FHAD1: variants seen among roughly 807,000 people sequenced by gnomAD.
The protein encoded by FHAD1 is forkhead-associated domain-containing protein 1.
FHAD1 carries 146 observed loss-of-function variants against 191.3 expected under a neutral mutation model. That is an observed-to-expected ratio of 0.76 (90% CI 0.67 to 0.88). The LOEUF is 0.88. Ranked by LOEUF, FHAD1 falls within the 40% of genes least tolerant of loss-of-function variation. The pLI is 0.00. For synonymous variants in FHAD1, 616 were observed against 672.3 expected (o/e 0.92, Z 1.29); for missense variants, 1,635 against 1,785.8 (o/e 0.92, Z 1.52).
At position 15,317,860 on chromosome 1, in the gene FHAD1, A is replaced by G. The variant is rs1674977828; in HGVS notation, c.1297A>G (p.Arg433Gly). The G allele has an allele frequency of 6.4e-7, 1 of 1,551,652 alleles. No homozygotes were observed. The highest frequency in any genetic ancestry group is 8.7e-7 in the Non-Finnish European group (1 of 1,146,982). Residue 433 changes from arginine to glycine, a missense_variant, in exon 10 of 34, where the codon AGG becomes GGG. Arg to Gly is a moderately radical substitution (Grantham distance 125). Coordinates refer to ENST00000688493, the MANE Select transcript of FHAD1 (RefSeq NM_001391957.1). ...CATGGAGAAAGAAATGAAGAAGCTTAGGGCAGAGCTGAGGAAGAGTTGTAC... is the reference window on the plus strand; with the variant it reads ...CATGGAGAAAGAAATGAAGAAGCTTGGGGCAGAGCTGAGGAAGAGTTGTAC... ...QDMEKEMKKL[R>G]AELRKSCTEQ... is the part of the protein sequence containing the mutation.
At chr1:15,239,600 A>G (rs1645137025) in intron 1 of FHAD1, among the ~76,000 whole-genome samples, 1 of 151,694 alleles carries the variant, frequency 6.6e-6, no homozygotes, top group South Asian at 2.1e-4. Flanking sequence ...AAGAAAAACA[A>G]AAAGAACAAC....
At chr1:15,383,979 CGT>C (rs1036355402) in intron 31 of FHAD1, 19 of 350,226 alleles carry the variant, frequency 5.4e-5, no homozygotes, top group Admixed American at 4.3e-4. Flanking sequence ...TGTGCATTCT[CGT>C]GTGTGTGTAC....
chr1:15,361,309 G>C (rs1345703525), intron 22 of FHAD1, among the ~76,000 whole-genome samples: 28 of 152,148 alleles, frequency 1.8e-4, no homozygotes, highest in Admixed American at 1.8e-3. Flanking sequence ...GACTGTCCTG[G>C]GCACTATCAG....
chr1:15,284,697 CAAG>C (rs1368645332), intron 3 of FHAD1, among the ~76,000 whole-genome samples: 2 of 152,124 alleles, frequency 1.3e-5, no homozygotes, highest in African/African-American at 2.4e-5. Flanking sequence ...ACACAAGAAA[CAAG>C]GAGATCATCC....
Position 15,368,572 on chromosome 1 carries a change from G to A in FHAD1, c.3315-798G>A, listed in dbSNP as rs1697188510. On this transcript the variant is annotated intron_variant, in intron 25 of 33. Transcript: ENST00000688493. ...TGTTTTGTGGCTATCTGGTAGCTTT[G>A]TGTGCCTCGTGGCCAAAGCAGATTC... Among the ~76,000 whole-genome samples the A allele has an allele frequency of 4.6e-5, 7 of 152,280 alleles. No individual in the cohort carries two copies. In the South Asian group the frequency reaches 1.5e-3, roughly 32 times the overall value.
intron 10 of FHAD1, among the ~76,000 whole-genome samples, chr1:15,324,126 C>G (rs1056418759): frequency 1.3e-5 from 2 of 152,164 alleles, no homozygotes; most frequent in Non-Finnish European, 2.9e-5. Flanking sequence ...CTAGTATCAC[C>G]CCATTTGACA....
rs1471003789 is a variant in FHAD1, at chr1:15,311,970, C to T, written c.1040-1087C>T. The T allele has an allele frequency of 6.6e-6, 1 of 152,278 alleles. No homozygotes were observed. Among genetic ancestry groups the T allele is most frequent in the Non-Finnish European group, 1.5e-5 (1 of 68,082 alleles). 9.4% of individuals were successfully genotyped at this position (152,278 alleles called of 1,614,324 possible). ...GAGGATCCCCTTCTGGAATGACTCG[C>T]TCACATGGCTGTTGGCTGGAGGCCT... is the stretch of plus-strand genomic sequence containing the variant. On this transcript the variant is annotated intron_variant, in intron 7 of 33. Transcript: ENST00000688493. This position sits in a 1 kb window ranked among gnomAD's most constrained non-coding sequence, Gnocchi z 4.1.
intron 20 of FHAD1, among the ~76,000 whole-genome samples, chr1:15,353,438 C>T (rs1691560290): frequency 6.6e-6 from 1 of 152,050 alleles, no homozygotes; most frequent in Admixed American, 6.5e-5. Flanking sequence ...GGCGCGGTGG[C>T]TCGCACATGT....
chr1:15,252,024 G>T (rs980430688), intron 2 of FHAD1, 147 bp downstream of exon 2: 1 of 693,036 alleles, frequency 1.4e-6, no homozygotes, highest in Non-Finnish European at 2.5e-6. Context: ...GCTACCAATA[G>T]CCAGTTGCCA....
intron 16 of FHAD1, among the ~76,000 whole-genome samples, chr1:15,342,457 G>A (rs1392336423): frequency 1.3e-5 from 2 of 152,118 alleles, no homozygotes; most frequent in Non-Finnish European, 2.9e-5. Context: ...TGGTACTGAC[G>A]CTACCAGTCT....
At chr1:15,399,111 C>T (rs897199135), downstream of FHAD1, among the ~76,000 whole-genome samples, 15 of 152,282 alleles carry the variant, frequency 9.9e-5, no homozygotes, top group African/African-American at 2.6e-4. Context: ...CATGAGCTAC[C>T]GCGGCCAGCC....
intron 2 of FHAD1, among the ~76,000 whole-genome samples, chr1:15,270,240 T>C (rs1034875160): frequency 6.6e-6 from 1 of 152,148 alleles, no homozygotes; most frequent in Non-Finnish European, 1.5e-5. Context: ...CAGTTTTTCT[T>C]GTTCTGAAAC....
rs141372248 is a variant in FHAD1 at position 15,295,594 on chromosome 1, C to T, written c.569-1090C>T. On this transcript the variant is annotated intron_variant, in intron 4 of 33. Coordinates refer to ENST00000688493, the MANE Select transcript of FHAD1 (RefSeq NM_001391957.1). Reference sequence around the variant, plus strand: ...CTGCACTCTAGCCTGGGTGACAGAGCGAGACCCTGTCTGTCTGTGTGTGTG... The same window carrying T: ...CTGCACTCTAGCCTGGGTGACAGAGTGAGACCCTGTCTGTCTGTGTGTGTG... Among the ~76,000 whole-genome samples, 728 of 152,112 alleles carry T rather than the reference C, an allele frequency of 4.8e-3. 2 individuals are homozygous for T. The highest frequency in any genetic ancestry group is 8.1e-3 in the Non-Finnish European group (549 of 67,988).
At chr1:15,382,586 G>A (rs945659382) in intron 31 of FHAD1, among the ~76,000 whole-genome samples, 1 of 152,212 alleles carries the variant, frequency 6.6e-6, no homozygotes, top group African/African-American at 2.4e-5. Context: ...ATGGGTGGAA[G>A]GACAGACAGG....
Position 15,358,295 on chromosome 1 carries a change from C to T in FHAD1, c.2736+12C>T. 1 of 1,521,736 alleles carries T rather than the reference C, an allele frequency of 6.6e-7. No individual in the cohort carries two copies. Among genetic ancestry groups the T allele is most frequent in the East Asian group, 2.5e-5 (1 of 40,606 alleles). The allele number at this position is 1,521,736 out of a possible 1,614,324, so 94.3% of individuals were successfully genotyped here. ...CCAAGACAAAAATGGTAAGTCGGTGCCTTCCGGGAACGGGAGAATTTTTCT... is the reference window on the plus strand; with the variant it reads ...CCAAGACAAAAATGGTAAGTCGGTGTCTTCCGGGAACGGGAGAATTTTTCT... On this transcript the variant is annotated intron_variant, in intron 21 of 33. Transcript: ENST00000688493.
At chr1:15,288,708 AG>A (rs1253318967) in intron 3 of FHAD1, among the ~76,000 whole-genome samples, 1 of 152,236 alleles carries the variant, frequency 6.6e-6, no homozygotes, top group African/African-American at 2.4e-5. Context: ...AATCCCTTAG[AG>A]GGGACATTCT....
chr1:15,318,002 A>T lies in FHAD1; in HGVS notation c.1365+74A>T. ...CACTCATCATCCCTGTTAGTCCTCT[A>T]AGTGGACTATGCTGGTATTAACCCT... On this transcript the variant is annotated intron_variant, in intron 10 of 33. Coordinates refer to ENST00000688493, the MANE Select transcript of FHAD1 (RefSeq NM_001391957.1). The surrounding 1 kb of genome is among the most constrained non-coding windows in gnomAD (Gnocchi z 4.1). 7.4e-6 allele frequency: 7 copies of T among 939,872 alleles called. No individual in the cohort carries two copies. The highest frequency in any genetic ancestry group is 1.2e-5 in the Non-Finnish European group (7 of 598,718). The allele number at this position is 939,872 out of a possible 1,614,324, so 58.2% of individuals were successfully genotyped here. A position where few individuals can be genotyped will look rare whatever the true frequency, so the allele number is the denominator to read the frequency against.
rs34856227 is a variant in FHAD1 at position 15,284,478 on chromosome 1, C to CAAAAA, written c.301-4907_301-4903dup. The stretch of plus-strand genomic sequence containing the variant: ...TGGGCGACAGAGCGAGACTCCATCT[C>CAAAAA]AAAAAAAAAAAAAAAAAATTGCAGA... On this transcript the variant is annotated intron_variant, in intron 3 of 33. Coordinates refer to ENST00000688493, the MANE Select transcript of FHAD1 (RefSeq NM_001391957.1). 1.2e-3 allele frequency among the ~76,000 whole-genome samples: 148 copies of CAAAAA among 118,648 alleles called. 5 individuals are homozygous for CAAAAA. Among genetic ancestry groups the CAAAAA allele is most frequent in the African/African-American group, 3.9e-3 (123 of 31,196 alleles). The allele number at this position is 118,648 out of a possible 152,430, so 77.8% of individuals were successfully genotyped here.
chr1:15,359,924 TGGG>T (rs1694172165), intron 21 of FHAD1, among the ~76,000 whole-genome samples: 1 of 151,756 alleles, frequency 6.6e-6, no homozygotes. Flanking sequence ...CACTCCAGCC[TGGG>T]TGACAGAGAG....
Sources: allele counts gnomAD v4.1 joint callset (sites outside exome capture counted in the v4.1 genomes callset), GRCh38; gene constraint gnomAD v4.1.1; non-coding constraint Gnocchi (gnomAD v3.1); transcripts MANE v1.5; gene names NCBI Gene and HGNC (gene_info 2026-07-23, HGNC 2026-07-21).